CDH17: variants seen among roughly 807,000 people sequenced by gnomAD.
The protein encoded by CDH17 is cadherin 17, also known as cadherin-17.
A neutral mutation model predicts 86.3 loss-of-function variants in CDH17; 67 were observed. The ratio of observed to expected loss-of-function variants is 0.78; its 90% CI spans 0.64 to 0.95. The LOEUF is 0.95. CDH17 is among the 40% of genes least tolerant of loss of function. The pLI is 0.00. For missense variants in CDH17, 993 were observed against 1,017.6 expected (o/e 0.98, Z 0.33); for synonymous variants, 367 against 366.4 (o/e 1.00, Z -0.02).
intron 15 of CDH17, among the ~76,000 whole-genome samples, chr8:94,141,864 T>C (rs1812644910): frequency 6.6e-6 from 1 of 152,156 alleles, no homozygotes. Context: ...GGCTACATTC[T>C]AAAATTTATA....
At position 94,148,864 on chromosome 8, in the gene CDH17, T is replaced by A. The variant is rs558415835; in HGVS notation, c.1807A>T (p.Arg603Trp). ...PEGLDISYSL[R>W]GDTRGWLKID... ...TTAAGCCAACCTCTTGTGTCTCCCC[T>A]CAGTGAATAGCTTCATCAAATGAAA... The change falls in exon 14 of 18, where the codon AGG (arginine) becomes TGG (tryptophan). Residue 603 changes from arginine (R) to tryptophan (W), a missense_variant. Arg to Trp is a moderately radical substitution (Grantham distance 101). Transcript: ENST00000027335. 6.2e-7 allele frequency: 1 copy of A among 1,607,646 alleles called. No individual in the cohort carries two copies. The highest frequency in any genetic ancestry group is 8.5e-7 in the Non-Finnish European group (1 of 1,177,964).
At chr8:94,131,145 T>A (rs914964054) in intron 15 of CDH17, among the ~76,000 whole-genome samples, 153 bp from the exon 16 acceptor site, 1 of 152,242 alleles carries the variant, frequency 6.6e-6, no homozygotes, top group African/African-American at 2.4e-5. Context: ...TCCACATGTA[T>A]CTTCCCATAA....
At chr8:94,167,835 G>A (rs982844848) in intron 9 of CDH17, among the ~76,000 whole-genome samples, 8 of 151,878 alleles carry the variant, frequency 5.3e-5, no homozygotes, top group African/African-American at 7.3e-5. Context: ...TGGATCAGTC[G>A]GAAGTGAAAG....
intron 2 of CDH17, among the ~76,000 whole-genome samples, chr8:94,190,265 C>G (rs1488746715): frequency 6.6e-6 from 1 of 152,240 alleles, no homozygotes; most frequent in African/African-American, 2.4e-5. Context: ...CTCTCAGCCT[C>G]TATGCACCAG....
At chr8:94,207,556 G>T (rs1347840952) in intron 1 of CDH17, among the ~76,000 whole-genome samples, 1 of 152,158 alleles carries the variant, frequency 6.6e-6, no homozygotes, top group Non-Finnish European at 1.5e-5. Context: ...TTGTTTCCTG[G>T]TGAGAGCTGA....
chr8:94,149,444 CAGAT>C (rs764140037), intron 13 of CDH17, among the ~76,000 whole-genome samples: 4 of 152,120 alleles, frequency 2.6e-5, no homozygotes, highest in Non-Finnish European at 5.9e-5. Context: ...GTGAGATAGA[CAGAT>C]AAACAGTTGA....
rs1812984079 is a variant in CDH17, at chr8:94,158,340, G to A, written c.1551+1631C>T. 3.3e-5 allele frequency among the ~76,000 whole-genome samples: 5 copies of A among 152,174 alleles called. No homozygotes were observed. In the South Asian group the frequency reaches 1.0e-3, roughly 32 times the overall value. On this transcript the variant is annotated intron_variant, in intron 12 of 17. Transcript: ENST00000027335. Reference sequence around the variant, plus strand: ...CCTCTCGTGTCAAGTTGTGAGGGAGGATACTTACAGCTCTCACCCACAGCT... The same window carrying A: ...CCTCTCGTGTCAAGTTGTGAGGGAGAATACTTACAGCTCTCACCCACAGCT...
intron 3 of CDH17, among the ~76,000 whole-genome samples, chr8:94,188,345 G>T (rs192412744): frequency 6.6e-6 from 1 of 152,166 alleles, no homozygotes; most frequent in Non-Finnish European, 1.5e-5. Flanking sequence ...GCTGATGCAT[G>T]AACCCACAGA....
rs1280790415 is a variant in CDH17 at position 94,130,954 on chromosome 8, C to CA, written c.2205dup (p.Glu736Ter). On this transcript the variant is annotated frameshift_variant, in exon 16 of 18. Coordinates refer to ENST00000027335, the MANE Select transcript of CDH17 (RefSeq NM_004063.4). LOFTEE classifies it high-confidence loss of function. ...ATCAAGACGACATACTCCCTCTCCT[C>CA]AAACTCTGTGTGCCTGGTAGACAGT... 6.2e-7 allele frequency: 1 copy of CA among 1,610,256 alleles called. No individual in the cohort carries two copies. Among genetic ancestry groups the CA allele is most frequent in the Admixed American group, 1.7e-5 (1 of 59,968 alleles).
At chr8:94,167,962 T>C (rs952883919) in intron 9 of CDH17, among the ~76,000 whole-genome samples, 1 of 151,308 alleles carries the variant, frequency 6.6e-6, no homozygotes, top group Admixed American at 6.6e-5. Context: ...GGGGTTTTTA[T>C]GAGAGTCTAA....
chr8:94,134,829 A>G (rs1460896270), intron 15 of CDH17, among the ~76,000 whole-genome samples: 3 of 152,154 alleles, frequency 2.0e-5, no homozygotes, highest in Non-Finnish European at 4.4e-5. Context: ...ACACTGCTTT[A>G]AATGTGTCCC....
intron 13 of CDH17, among the ~76,000 whole-genome samples, chr8:94,150,190 C>T (rs192921648): frequency 3.9e-5 from 6 of 152,166 alleles, no homozygotes; most frequent in Admixed American, 3.9e-4. Flanking sequence ...GGATTTCATC[C>T]TGAAAGAGAT....
chr8:94,148,977 T>C (rs1812806645), intron 13 of CDH17, 103 bp from the exon 14 acceptor site: 9 of 873,212 alleles, frequency 1.0e-5, no homozygotes, highest in South Asian at 8.2e-5. Flanking sequence ...CCTTGAAATA[T>C]GTTGTAAATA....
At chr8:94,132,345 T>C (rs185743796) in intron 15 of CDH17, among the ~76,000 whole-genome samples, 92 of 152,322 alleles carry the variant, frequency 6.0e-4, no homozygotes, top group African/African-American at 2.1e-3. Context: ...AACTGTTGTT[T>C]CCTGACTTTT....
chr8:94,192,045 A>G (rs150073425), intron 2 of CDH17, among the ~76,000 whole-genome samples: 1 of 152,332 alleles, frequency 6.6e-6, no homozygotes, highest in African/African-American at 2.4e-5. Context: ...CACCAGTGAA[A>G]ACTACATTAG....
upstream of CDH17, among the ~76,000 whole-genome samples, chr8:94,211,673 A>G (rs1814123657): frequency 6.6e-6 from 1 of 152,232 alleles, no homozygotes; most frequent in Non-Finnish European, 1.5e-5. Flanking sequence ...CAATTTTTCA[A>G]GTACTTGCAT....
At chr8:94,137,716 CTAACT>C (rs1365486693) in intron 15 of CDH17, among the ~76,000 whole-genome samples, 6 of 152,032 alleles carry the variant, frequency 3.9e-5, no homozygotes, top group African/African-American at 1.5e-4. Context: ...AAAAACCTAA[CTAACT>C]TAACAATGTG....
intron 3 of CDH17, among the ~76,000 whole-genome samples, chr8:94,178,175 A>G (rs926397012): frequency 1.6e-4 from 24 of 152,190 alleles, no homozygotes; most frequent in African/African-American, 5.8e-4. Context: ...ATGCTATATG[A>G]TAATCTATTA....
chr8:94,191,048 T>C (rs1813678746), intron 2 of CDH17, among the ~76,000 whole-genome samples: 1 of 152,194 alleles, frequency 6.6e-6, no homozygotes, highest in South Asian at 2.1e-4. Flanking sequence ...CCAAGTTCCC[T>C]TTCCCAGGCT....
Sources: gnomAD v4.1 joint callset for allele counts (sites outside exome capture counted in the v4.1 genomes callset) on GRCh38, gnomAD v4.1.1 for gene constraint, MANE v1.5 for transcripts, NCBI Gene and HGNC (gene_info 2026-07-23, HGNC 2026-07-21) for gene names.